BMAL1: variants seen among roughly 807,000 people sequenced by gnomAD.
BMAL1 encodes basic helix-loop-helix ARNT-like protein 1.
the BMAL1 span, chr11:13,379,468 A>C: frequency 2.6e-5 from 4 of 152,230 alleles, no homozygotes; most frequent in African/African-American, 9.6e-5. Flanking sequence ...CTTCTGCATC[A>C]GGAAGGAGAC....
the BMAL1 span, among the ~76,000 whole-genome samples, chr11:13,321,771 A>G: frequency 2.8e-3 from 421 of 152,280 alleles, 3 homozygotes; most frequent in African/African-American, 9.0e-3. Flanking sequence ...GTAAGCAGGT[A>G]GATTAGATTG....
At chr11:13,346,773 G>A in the BMAL1 span, among the ~76,000 whole-genome samples, 1 of 152,162 alleles carries the variant, frequency 6.6e-6, no homozygotes, top group Non-Finnish European at 1.5e-5. Flanking sequence ...TAGCTTGGAA[G>A]TGGGCACACC....
At chr11:13,342,624 A>G in the BMAL1 span, among the ~76,000 whole-genome samples, 1 of 151,560 alleles carries the variant, frequency 6.6e-6, no homozygotes, top group Non-Finnish European at 1.5e-5. Context: ...AGCATTCCCT[A>G]TACGTATTTG....
chr11:13,310,362 A>G, the BMAL1 span, among the ~76,000 whole-genome samples: 8 of 152,160 alleles, frequency 5.3e-5, no homozygotes, highest in Non-Finnish European at 1.2e-4. Context: ...GATTGAAAAA[A>G]GTCCGGGGAG....
chr11:13,334,426 C>T, the BMAL1 span, among the ~76,000 whole-genome samples: 1 of 152,182 alleles, frequency 6.6e-6, no homozygotes, highest in Admixed American at 6.5e-5. Context: ...GAGGCATCTG[C>T]ACTGTCCCCA....
the BMAL1 span, among the ~76,000 whole-genome samples, chr11:13,338,817 G>A: frequency 6.6e-6 from 1 of 152,236 alleles, no homozygotes; most frequent in Non-Finnish European, 1.5e-5. Flanking sequence ...AGGACCAAAG[G>A]AGACACGTCA....
chr11:13,329,526 T>C, the BMAL1 span, among the ~76,000 whole-genome samples: 2 of 152,224 alleles, frequency 1.3e-5, no homozygotes, highest in Admixed American at 6.5e-5. Flanking sequence ...TGGGGGGTGA[T>C]TAGTTTCCAG....
At chr11:13,354,744 T>G in the BMAL1 span, 2 of 337,166 alleles carry the variant, frequency 5.9e-6, 1 homozygote, top group South Asian at 6.9e-5. Flanking sequence ...TTTCTTCGTC[T>G]TCTTTCTTTG....
chr11:13,328,239 G>T, the BMAL1 span, among the ~76,000 whole-genome samples: 1 of 152,090 alleles, frequency 6.6e-6, no homozygotes, highest in Non-Finnish European at 1.5e-5. Flanking sequence ...TAAAAGGGGG[G>T]ATAAACTTAG....
At chr11:13,342,415 T>C in the BMAL1 span, among the ~76,000 whole-genome samples, 1 of 152,144 alleles carries the variant, frequency 6.6e-6, no homozygotes. Context: ...AGGGGACTTT[T>C]AATCCTGAAT....
the BMAL1 span, chr11:13,374,194 T>C: frequency 2.5e-6 from 4 of 1,613,130 alleles, no homozygotes; most frequent in African/African-American, 2.7e-5. Flanking sequence ...CAGAATGTCA[T>C]AGGCAAGGTA....
At chr11:13,338,771 A>G in the BMAL1 span, among the ~76,000 whole-genome samples, 3 of 152,286 alleles carry the variant, frequency 2.0e-5, no homozygotes, top group Non-Finnish European at 2.9e-5. Flanking sequence ...GTCATCTTCT[A>G]TGTGATGTCG....
At chr11:13,305,297 A>C in the BMAL1 span, among the ~76,000 whole-genome samples, 7 of 152,162 alleles carry the variant, frequency 4.6e-5, no homozygotes, top group African/African-American at 1.7e-4. Context: ...AGATGGCCTC[A>C]AGTGGCTAAA....
the BMAL1 span, among the ~76,000 whole-genome samples, chr11:13,382,145 G>C: frequency 6.6e-6 from 1 of 152,180 alleles, no homozygotes; most frequent in Non-Finnish European, 1.5e-5. Context: ...TTGCTAAGGA[G>C]AGAGGGTAAG....
chr11:13,355,268 T>G, the BMAL1 span: 2 of 1,613,936 alleles, frequency 1.2e-6, no homozygotes, highest in Admixed American at 1.7e-5. Context: ...GGAGGTCAGA[T>G]GCCCACTAGG....
At chr11:13,321,076 C>G in the BMAL1 span, among the ~76,000 whole-genome samples, 1 of 152,184 alleles carries the variant, frequency 6.6e-6, no homozygotes, top group Non-Finnish European at 1.5e-5. Flanking sequence ...CTCTTTTTCT[C>G]TTCCCTTTTC....
At chr11:13,288,028 C>A in the BMAL1 span, among the ~76,000 whole-genome samples, 4 of 152,098 alleles carry the variant, frequency 2.6e-5, no homozygotes, top group East Asian at 5.8e-4. Context: ...CAGGTTTTCA[C>A]CTTTAAGGAT....
At chr11:13,300,888 G>A in the BMAL1 span, among the ~76,000 whole-genome samples, 2 of 152,124 alleles carry the variant, frequency 1.3e-5, no homozygotes, top group Non-Finnish European at 2.9e-5. Flanking sequence ...GGTATGTGTT[G>A]GCTTTGGAAT....
At chr11:13,333,016 G>A in the BMAL1 span, among the ~76,000 whole-genome samples, 2 of 151,318 alleles carry the variant, frequency 1.3e-5, no homozygotes, top group Non-Finnish European at 2.9e-5. Flanking sequence ...GCCCAGGCTG[G>A]AGTGCAGTGG....
Sources: gnomAD v4.1 joint callset for allele counts (sites outside exome capture counted in the v4.1 genomes callset) on GRCh38, gnomAD v4.1.1 for gene constraint, MANE v1.5 for transcripts, NCBI Gene and HGNC (gene_info 2026-07-23, HGNC 2026-07-21) for gene names.